Variants in SPEF2 observed in about 807,000 individuals in gnomAD.
SPEF2 encodes the protein sperm flagellar and cilia associated 2.
Under a neutral mutation model 224.6 loss-of-function variants are expected in SPEF2, and 187 were observed. That is an observed-to-expected ratio of 0.83 (90% CI 0.74 to 0.94). The LOEUF is 0.94. Ranked by LOEUF, SPEF2 falls within the 40% of genes least tolerant of loss-of-function variation. SPEF2 has a pLI of 0.00. For synonymous variants in SPEF2, 715 were observed against 707.3 expected (o/e 1.01, Z -0.17); for missense variants, 2,170 against 2,135.6 (o/e 1.02, Z -0.32).
intron 30 of SPEF2, among the ~76,000 whole-genome samples, chr5:35,783,549 A>G (rs761945728): frequency 5.3e-5 from 8 of 152,228 alleles, no homozygotes; most frequent in Non-Finnish European, 1.0e-4. Flanking sequence ...AGTATATAAT[A>G]TACAATATTG....
chr5:35,784,143 T>A (rs939195462), intron 30 of SPEF2, among the ~76,000 whole-genome samples: 1 of 152,018 alleles, frequency 6.6e-6, no homozygotes, highest in East Asian at 1.9e-4. Context: ...TTTTTTTTTT[T>A]TTGAGATGGG....
At chr5:35,713,480 A>T (rs1489051393) in intron 20 of SPEF2, among the ~76,000 whole-genome samples, 1 of 151,896 alleles carries the variant, frequency 6.6e-6, no homozygotes, top group Non-Finnish European at 1.5e-5. Context: ...TCATGCCTGT[A>T]ATCCCATCAG....
chr5:35,751,527 A>G (rs1434786834), intron 23 of SPEF2, among the ~76,000 whole-genome samples: 4 of 152,124 alleles, frequency 2.6e-5, no homozygotes, highest in African/African-American at 9.7e-5. Flanking sequence ...ACAAGTTAGT[A>G]CTTATTGAAT....
chr5:35,695,350 G>C (rs1392425215), intron 13 of SPEF2, among the ~76,000 whole-genome samples: 3 of 150,668 alleles, frequency 2.0e-5, no homozygotes, highest in Non-Finnish European at 4.4e-5. Context: ...CTGTAACTTG[G>C]TAATCCAGGA....
intron 10 of SPEF2, among the ~76,000 whole-genome samples, chr5:35,679,121 C>T (rs754380103): frequency 6.6e-6 from 1 of 152,016 alleles, no homozygotes; most frequent in Non-Finnish European, 1.5e-5. Context: ...GCCATATTAC[C>T]CAGGAACAGT....
chr5:35,731,589 A>C (rs1745653415), intron 21 of SPEF2, among the ~76,000 whole-genome samples: 1 of 152,130 alleles, frequency 6.6e-6, no homozygotes, highest in Non-Finnish European at 1.5e-5. Flanking sequence ...GACAGAGAGG[A>C]AGTCAAATTG....
At chr5:35,771,428 A>G (rs891353454) in intron 26 of SPEF2, among the ~76,000 whole-genome samples, 181 bp from the exon 27 acceptor site, 4 of 152,162 alleles carry the variant, frequency 2.6e-5, no homozygotes, top group Non-Finnish European at 5.9e-5. Context: ...GCATCTTGGG[A>G]CAGGGCCAGG....
intron 2 of SPEF2, 126 bp from the exon 3 acceptor site, chr5:35,641,305 G>A: frequency 9.0e-7 from 1 of 1,113,070 alleles, no homozygotes; most frequent in Non-Finnish European, 1.3e-6. Flanking sequence ...GTTTTAGAGA[G>A]GAATGATACA....
chr5:35,676,494 C>T (rs1752039082), intron 10 of SPEF2, among the ~76,000 whole-genome samples: 1 of 152,076 alleles, frequency 6.6e-6, no homozygotes, highest in Non-Finnish European at 1.5e-5. Context: ...TTTGGGAGGC[C>T]AAGGCAGGCA....
chr5:35,684,723 CAAGCAA>C (rs1277515686), intron 10 of SPEF2, among the ~76,000 whole-genome samples: 12 of 152,152 alleles, frequency 7.9e-5, no homozygotes, highest in African/African-American at 2.9e-4. Flanking sequence ...GGGTGCAAAG[CAAGCAA>C]GTAGCAGAAG....
At chr5:35,680,013 A>T (rs919066785) in intron 10 of SPEF2, among the ~76,000 whole-genome samples, 10 of 152,222 alleles carry the variant, frequency 6.6e-5, no homozygotes, top group South Asian at 6.2e-4. Flanking sequence ...ATTTCTATTT[A>T]AAAAATTAAG....
intron 27 of SPEF2, among the ~76,000 whole-genome samples, chr5:35,773,500 T>C (rs536246566): frequency 2.3e-4 from 35 of 152,320 alleles, no homozygotes; most frequent in African/African-American, 7.9e-4. Flanking sequence ...AACACTTTGC[T>C]AATAGAAGTT....
Position 35,795,789 on chromosome 5 carries a change from T to C in SPEF2, c.4824T>C (p.Leu1608=). Residue 1608 remains leucine (L), a synonymous_variant, in exon 33 of 37, where the codon CTT becomes CTC. Transcript: ENST00000356031. Reference sequence around the variant, plus strand: ...TTCCATTTAATAGGCAGGAGCATCTTATAGAGGTAATGACTGAGATCTTTA... The same window carrying C: ...TTCCATTTAATAGGCAGGAGCATCTCATAGAGGTAATGACTGAGATCTTTA... ...EPLPFNRQEH[L]IEFFFRLFAD... is the part of the protein sequence containing the mutation. 2.5e-6 allele frequency: 4 copies of C among 1,610,276 alleles called. No individual in the cohort carries two copies. The highest frequency in any genetic ancestry group is 3.4e-6 in the Non-Finnish European group (4 of 1,177,206).
intron 1 of SPEF2, among the ~76,000 whole-genome samples, chr5:35,627,034 G>A (rs1744355910): frequency 6.6e-6 from 1 of 151,638 alleles, no homozygotes. Flanking sequence ...TTGTGATACT[G>A]CAATGACATA....
At chr5:35,727,949 AT>A (rs936769036) in intron 21 of SPEF2, 126 bp downstream of exon 21, 34 of 1,023,728 alleles carry the variant, frequency 3.3e-5, no homozygotes, top group South Asian at 7.5e-5. Flanking sequence ...TCCATCTGAG[AT>A]TTTTTTTAGA....
intron 19 of SPEF2, among the ~76,000 whole-genome samples, chr5:35,712,036 C>A (rs10039940): frequency 0.75 from 114,193 of 151,890 alleles, 43,279 homozygotes; most frequent in Middle Eastern, 0.83. Context: ...CAATTTCTCC[C>A]TTCCAATATA....
chr5:35,809,596 G>A (rs1758413567), intron 36 of SPEF2, among the ~76,000 whole-genome samples: 1 of 152,148 alleles, frequency 6.6e-6, no homozygotes. Flanking sequence ...CCCACCCCAT[G>A]AATAGCCTGG....
chr5:35,630,893 T>G lies in SPEF2; in HGVS notation c.161+2331T>G, dbSNP rs73078259. On this transcript the variant is annotated intron_variant, in intron 2 of 36. Transcript: ENST00000356031. ...GCTATTAGAATATATAAGTAACACT[T>G]ATAACTCAATAGTAAAAAGACAATC... Among the ~76,000 whole-genome samples the G allele has an allele frequency of 2.5e-3, 385 of 152,214 alleles. 4 individuals are homozygous for G. Among genetic ancestry groups the G allele is most frequent in the African/African-American group, 9.0e-3 (372 of 41,522 alleles).
intron 8 of SPEF2, among the ~76,000 whole-genome samples, chr5:35,659,745 C>CT (rs908315830): frequency 3.2e-4 from 49 of 150,948 alleles, no homozygotes; most frequent in African/African-American, 1.2e-3. Context: ...TTTTTAGATA[C>CT]TTTTTTTTTC....
Sources: gnomAD v4.1 joint callset for allele counts (sites outside exome capture counted in the v4.1 genomes callset) on GRCh38, gnomAD v4.1.1 for gene constraint, MANE v1.5 for transcripts, NCBI Gene and HGNC (gene_info 2026-07-23, HGNC 2026-07-21) for gene names.